Variants in CNTNAP2 observed in about 807,000 individuals in gnomAD.
CNTNAP2 encodes contactin-associated protein-like 2.
In CNTNAP2, 98 loss-of-function variants were observed where a neutral mutation model predicts 155.2. The observed-to-expected ratio is 0.63, with a 90% confidence interval of 0.54 to 0.75. The LOEUF (loss-of-function observed/expected upper bound fraction) is 0.75, where lower values mean the gene tolerates loss of function less well. Among genes scored for constraint, CNTNAP2 ranks in the 30% least tolerant of loss-of-function variants. The pLI is 0.00. For missense variants in CNTNAP2, 1,727 were observed against 1,688.1 expected, an observed-to-expected ratio of 1.02 and a Z score of -0.40; for synonymous variants, 651 against 631.2, an observed-to-expected ratio of 1.03 and a Z score of -0.47.
chr7:146,348,989 TA>T (rs1794871796), intron 1 of CNTNAP2, among the ~76,000 whole-genome samples: 1 of 152,140 alleles, frequency 6.6e-6, no homozygotes, highest in African/African-American at 2.4e-5. Context: ...GTCGTGTTAA[TA>T]AAGCAGTTTT....
At chr7:146,680,445 T>C (rs1800482055) in intron 1 of CNTNAP2, among the ~76,000 whole-genome samples, 1 of 152,202 alleles carries the variant, frequency 6.6e-6, no homozygotes, top group South Asian at 2.1e-4. Flanking sequence ...TATTATAGTA[T>C]AATGGAAAAC....
intron 11 of CNTNAP2, among the ~76,000 whole-genome samples, chr7:147,507,386 C>T (rs1301301897): frequency 6.6e-6 from 1 of 152,042 alleles, no homozygotes; most frequent in Non-Finnish European, 1.5e-5. Flanking sequence ...TCTCTCTTCA[C>T]CCGCTCCTCC....
chr7:147,250,374 G>A (rs35474073), intron 8 of CNTNAP2, among the ~76,000 whole-genome samples: 11,410 of 150,882 alleles, frequency 0.076, 631 homozygotes, highest in Non-Finnish European at 0.11. Flanking sequence ...GTGAGAAAAG[G>A]AATCAGCTTT....
At chr7:147,266,407 C>T (rs1376664745) in intron 8 of CNTNAP2, among the ~76,000 whole-genome samples, 1 of 152,162 alleles carries the variant, frequency 6.6e-6, no homozygotes, top group African/African-American at 2.4e-5. Flanking sequence ...AGAGGCAGCC[C>T]CTATCTCCCT....
chr7:147,629,267 G>A (rs917926435), intron 12 of CNTNAP2, among the ~76,000 whole-genome samples: 50 of 152,136 alleles, frequency 3.3e-4, no homozygotes, highest in Non-Finnish European at 3.7e-4. Context: ...GCCAAGCAAC[G>A]TGATGGGTGC....
At chr7:147,801,666 A>G (rs2116590136) in intron 13 of CNTNAP2, among the ~76,000 whole-genome samples, 2 of 152,326 alleles carry the variant, frequency 1.3e-5, no homozygotes, top group African/African-American at 4.8e-5. Flanking sequence ...ACAGGATCCC[A>G]AGACAGAAGA....
At chr7:146,272,062 C>A (rs1200310923) in intron 1 of CNTNAP2, among the ~76,000 whole-genome samples, 1 of 152,064 alleles carries the variant, frequency 6.6e-6, no homozygotes, top group Admixed American at 6.6e-5. Context: ...TTTTACACTG[C>A]TAATAAGGCC....
At chr7:146,516,951 C>T (rs1797550413) in intron 1 of CNTNAP2, among the ~76,000 whole-genome samples, 1 of 151,942 alleles carries the variant, frequency 6.6e-6, no homozygotes, top group Admixed American at 6.6e-5. Flanking sequence ...TACAGTAGTC[C>T]TCCCTTATCC....
chr7:146,271,123 T>A (rs1378981583), intron 1 of CNTNAP2, among the ~76,000 whole-genome samples: 4 of 152,166 alleles, frequency 2.6e-5, no homozygotes, highest in African/African-American at 7.2e-5. Context: ...TTGCTTTTTT[T>A]AATTTCACAA....
At position 146,339,937 on chromosome 7, in the gene CNTNAP2, G is replaced by A. The variant is rs551373154; in HGVS notation, c.97+222964G>A. 3.3e-5 allele frequency among the ~76,000 whole-genome samples: 5 copies of A among 152,158 alleles called. No individual in the cohort carries two copies. In the South Asian group the frequency reaches 8.3e-4, roughly 25 times the overall value. ...TCTAATGCCAGCACTTTGGGAGGCC[G>A]AGGCGGGCGGATCACGAGGTCAGGA... On this transcript the variant is annotated intron_variant, in intron 1 of 23. Transcript: ENST00000361727.
chr7:146,491,092 C>G (rs1270011770), intron 1 of CNTNAP2, among the ~76,000 whole-genome samples: 1 of 151,682 alleles, frequency 6.6e-6, no homozygotes, highest in Non-Finnish European at 1.5e-5. Flanking sequence ...GCAAAGCCCC[C>G]CCAAAAAAAA....
At chr7:146,751,973 G>A (rs1427898316) in intron 1 of CNTNAP2, among the ~76,000 whole-genome samples, 1 of 152,064 alleles carries the variant, frequency 6.6e-6, no homozygotes, top group Non-Finnish European at 1.5e-5. Flanking sequence ...TTTTAGGCCT[G>A]CATAATATTC....
chr7:147,665,300 T>C (rs1357494048), intron 13 of CNTNAP2, among the ~76,000 whole-genome samples: 1 of 152,242 alleles, frequency 6.6e-6, no homozygotes, highest in Admixed American at 6.5e-5. Flanking sequence ...CAGAAGATAG[T>C]ATAGTTCATT....
intron 1 of CNTNAP2, among the ~76,000 whole-genome samples, chr7:146,645,496 G>A (rs1050330217): frequency 3.3e-5 from 5 of 152,108 alleles, no homozygotes; most frequent in Non-Finnish European, 7.4e-5. Context: ...ATGTATCTAC[G>A]AAAAATGAGA....
chr7:147,039,208 A>ATG, intron 3 of CNTNAP2, among the ~76,000 whole-genome samples: 1 of 151,964 alleles, frequency 6.6e-6, no homozygotes, highest in African/African-American at 2.4e-5. Context: ...GTGTATGTGT[A>ATG]TATATATAGA....
intron 9 of CNTNAP2, among the ~76,000 whole-genome samples, chr7:147,349,256 C>T (rs1795929705): frequency 6.6e-6 from 1 of 151,734 alleles, no homozygotes; most frequent in South Asian, 2.1e-4. Context: ...TGAATAGGTA[C>T]ACTTATTTGT....
chr7:148,150,521 G>A (rs977110566), intron 17 of CNTNAP2, among the ~76,000 whole-genome samples: 8 of 151,912 alleles, frequency 5.3e-5, no homozygotes, highest in South Asian at 4.2e-4. Flanking sequence ...GTACTCCAGC[G>A]TGGGAGATAG....
chr7:147,396,915 C>T (rs1184214515), intron 10 of CNTNAP2, among the ~76,000 whole-genome samples: 1 of 151,890 alleles, frequency 6.6e-6, no homozygotes, highest in Non-Finnish European at 1.5e-5. Flanking sequence ...AAAATGTAGA[C>T]CATAAGTCTT....
chr7:146,193,607 T>C (rs917107429), intron 1 of CNTNAP2, among the ~76,000 whole-genome samples: 1 of 152,202 alleles, frequency 6.6e-6, no homozygotes, highest in Non-Finnish European at 1.5e-5. Flanking sequence ...CCATGGGCCC[T>C]GTCCACAAAA....
Sources: allele counts gnomAD v4.1 joint callset (sites outside exome capture counted in the v4.1 genomes callset), GRCh38; gene constraint gnomAD v4.1.1; transcripts MANE v1.5; gene names NCBI Gene and HGNC (gene_info 2026-07-23, HGNC 2026-07-21).